Variants in PRPF6 observed in about 807,000 individuals in gnomAD.
PRPF6 encodes the protein pre-mRNA processing factor 6, also known as pre-mRNA-processing factor 6.
PRPF6 carries 42 observed loss-of-function variants against 118.3 expected under a neutral mutation model. The ratio of observed to expected loss-of-function variants is 0.35; its 90% CI spans 0.28 to 0.46. PRPF6 has a LOEUF of 0.46. Among genes scored for constraint, PRPF6 ranks in the 20% least tolerant of loss-of-function variants. PRPF6 has a pLI of 1.00. For missense variants in PRPF6, 662 were observed against 1,255.7 expected (o/e 0.53, Z 7.15); for synonymous variants, 481 against 485.1 (o/e 0.99, Z 0.11).
intron 3 of PRPF6, among the ~76,000 whole-genome samples, chr20:63,985,276 T>A (rs2059088341): frequency 6.6e-6 from 1 of 151,830 alleles, no homozygotes; most frequent in African/African-American, 2.4e-5. Context: ...GAAGGACCGT[T>A]TAAGCCCAGG....
At chr20:63,994,780 A>G (rs1195238514) in intron 4 of PRPF6, 136 bp from the exon 5 acceptor site, 14 of 1,157,616 alleles carry the variant, frequency 1.2e-5, no homozygotes, top group Admixed American at 4.4e-5. Flanking sequence ...AAACAAAAGT[A>G]AAAAACAGTT....
At position 64,010,205 on chromosome 20, in the gene PRPF6, G is replaced by A. The variant is rs2123050898; in HGVS notation, c.1192G>A (p.Glu398Lys). ...AKKRVLRKAL[E>K]HVPNSVRLWK... ...TCTCGTTTGACCTTTCCTAGCCCTCGAGCATGTTCCAAACTCGGTTCGCTT... is the reference window on the plus strand; with the variant it reads ...TCTCGTTTGACCTTTCCTAGCCCTCAAGCATGTTCCAAACTCGGTTCGCTT... The change falls in exon 10 of 21, where the codon GAG becomes AAG. Residue 398 changes from glutamate to lysine, a missense_variant. This residue lies in a region of PRPF6 where 189 missense variants were observed against 323.5 expected (regional missense o/e 0.58). Transcript: ENST00000266079. 2 of 1,613,900 alleles carry A rather than the reference G, an allele frequency of 1.2e-6. No homozygotes were observed. The highest frequency in any genetic ancestry group is 8.5e-7 in the Non-Finnish European group (1 of 1,179,874).
chr20:63,998,026 T>C (rs2059148867), intron 6 of PRPF6, among the ~76,000 whole-genome samples: 1 of 152,246 alleles, frequency 6.6e-6, no homozygotes, highest in African/African-American at 2.4e-5. Flanking sequence ...TGAATAATGC[T>C]GCTGTGAATA....
Position 63,981,330 on chromosome 20 carries a change from C to T in PRPF6, c.71+14C>T, listed in dbSNP as rs773548868. On this transcript the variant is annotated intron_variant, in intron 1 of 20. Transcript: ENST00000266079. ...GCTGGGCCGGGGGTGAGGCCTGGGG[C>T]GGCGCGCGAGGGGCGGGGACCCGGC... is the stretch of plus-strand genomic sequence containing the variant. 29 of 1,571,880 alleles carry T rather than the reference C, an allele frequency of 1.8e-5. No homozygotes were observed. Among genetic ancestry groups the T allele is most frequent in the South Asian group, 2.3e-5 (2 of 86,352 alleles).
chr20:64,029,606 C>A lies in PRPF6; in HGVS notation c.2546+115C>A. ...AGATGCCCGGCAGCAGGGTGGGCTT[C>A]CCCGATCCTCGGCTGCCGTCGCTCC... is the stretch of plus-strand genomic sequence containing the variant. On this transcript the variant is annotated intron_variant, in intron 19 of 20. Coordinates refer to ENST00000266079, the MANE Select transcript of PRPF6 (RefSeq NM_012469.4). This position sits in a 1 kb window ranked among gnomAD's most constrained non-coding sequence, Gnocchi z 4.8. 1.1e-6 allele frequency: 1 copy of A among 935,812 alleles called. No individual in the cohort carries two copies. The highest frequency in any genetic ancestry group is 1.7e-6 in the Non-Finnish European group (1 of 596,248). 58.0% of individuals were successfully genotyped at this position (935,812 alleles called of 1,614,324 possible).
chr20:63,996,515 A>G (rs1301258510), intron 6 of PRPF6, among the ~76,000 whole-genome samples: 1 of 152,174 alleles, frequency 6.6e-6, no homozygotes, highest in Non-Finnish European at 1.5e-5. Context: ...GGGTGTCACT[A>G]GGTTGCCCAA....
rs145741144 is a variant in PRPF6 at position 63,983,780 on chromosome 20, A to G, written c.240+565A>G. The stretch of plus-strand genomic sequence containing the variant: ...AGCGATTCTCCTGCCTCAGTCTCCA[A>G]GTAACTGGGATTACAGGCATGCGCC... On this transcript the variant is annotated intron_variant, in intron 2 of 20. Coordinates refer to ENST00000266079, the MANE Select transcript of PRPF6 (RefSeq NM_012469.4). Among the ~76,000 whole-genome samples the G allele has an allele frequency of 5.9e-3, 893 of 151,932 alleles. 13 individuals are homozygous for G. Among genetic ancestry groups the G allele is most frequent in the African/African-American group, 0.02 (847 of 41,424 alleles).
At chr20:64,022,339 A>G (rs951959870) in intron 12 of PRPF6, among the ~76,000 whole-genome samples, 19 of 151,516 alleles carry the variant, frequency 1.3e-4, no homozygotes, top group Admixed American at 6.6e-4. Context: ...ACAGAGTGTG[A>G]CTCTGTCGCC....
At chr20:64,005,262 G>C (rs539126582) in intron 9 of PRPF6, among the ~76,000 whole-genome samples, 1 of 152,278 alleles carries the variant, frequency 6.6e-6, no homozygotes, top group South Asian at 2.1e-4. Context: ...CCCAAAACTT[G>C]AAGACACAGA....
rs886580402 is a variant in PRPF6, at chr20:63,981,135, G to T, written c.-111G>T. On this transcript the variant is annotated 5_prime_UTR_variant, in exon 1 of 21. Transcript: ENST00000266079. ...TCCGGGGCGCGGGTGACGCGACGAC[G>T]GCGACACTTTGCTACGGAGTGCATC... 7.6e-6 allele frequency: 9 copies of T among 1,191,296 alleles called. No individual in the cohort carries two copies. Among genetic ancestry groups the T allele is most frequent in the African/African-American group, 1.5e-5 (1 of 65,666 alleles). The allele number at this position is 1,191,296 out of a possible 1,614,324, so 73.8% of individuals were successfully genotyped here.
At chr20:64,010,145 C>G in intron 9 of PRPF6, 55 bp from the exon 10 acceptor site, 1 of 1,454,602 alleles carries the variant, frequency 6.9e-7, no homozygotes. Flanking sequence ...ACCACATGAG[C>G]CTCCTGTTTT....
At chr20:64,015,256 T>C (rs2059231922) in intron 11 of PRPF6, among the ~76,000 whole-genome samples, 1 of 152,206 alleles carries the variant, frequency 6.6e-6, no homozygotes, top group South Asian at 2.1e-4. Context: ...CAGCGCAGTT[T>C]GCGTTCAGTA....
intron 9 of PRPF6, among the ~76,000 whole-genome samples, chr20:64,003,558 C>T (rs544104242): frequency 1.2e-4 from 19 of 152,296 alleles, no homozygotes; most frequent in Admixed American, 7.2e-4. Context: ...GTTTCTTGAC[C>T]GCAGCCCAGC....
chr20:63,992,946 G>A (rs890610600), intron 3 of PRPF6, among the ~76,000 whole-genome samples: 3 of 151,970 alleles, frequency 2.0e-5, no homozygotes, highest in African/African-American at 4.8e-5. Flanking sequence ...GGCTGGGTGC[G>A]GTGGCTCACA....
chr20:63,984,590 T>A (rs1368458370), intron 2 of PRPF6, among the ~76,000 whole-genome samples: 1 of 152,190 alleles, frequency 6.6e-6, no homozygotes. Context: ...CACAGTACTA[T>A]TAACTAATTT....
intron 11 of PRPF6, among the ~76,000 whole-genome samples, chr20:64,016,214 C>T (rs816918): frequency 0.061 from 9,322 of 151,892 alleles, 305 homozygotes; most frequent in Middle Eastern, 0.12. Context: ...CTCCGCCTCC[C>T]GGGTTCAAGT....
chr20:64,025,203 T>C lies in PRPF6; in HGVS notation c.1908+510T>C, dbSNP rs368991540. Among the ~76,000 whole-genome samples, 5 of 152,216 alleles carry C rather than the reference T, an allele frequency of 3.3e-5. No individual in the cohort carries two copies. In the East Asian group the frequency reaches 5.8e-4, roughly 18 times the overall value. On this transcript the variant is annotated intron_variant, in intron 14 of 20. Coordinates refer to ENST00000266079, the MANE Select transcript of PRPF6 (RefSeq NM_012469.4). ...TGTGCCCTTCTTTGAGCAAATACCA[T>C]GAGAGGGGACTGGCCTGGGTTTAAC...
intron 12 of PRPF6, among the ~76,000 whole-genome samples, chr20:64,021,257 A>G (rs2059261203): frequency 7.0e-6 from 1 of 143,312 alleles, no homozygotes; most frequent in Non-Finnish European, 1.5e-5. Flanking sequence ...GTGTGCGTGC[A>G]CGTATGCCTA....
chr20:63,984,219 G>A (rs1012449816), intron 2 of PRPF6, among the ~76,000 whole-genome samples: 2 of 152,204 alleles, frequency 1.3e-5, no homozygotes. Context: ...AGGATATCGA[G>A]ACCATCCTGT....
Sources: allele counts gnomAD v4.1 joint callset (sites outside exome capture counted in the v4.1 genomes callset), GRCh38; gene constraint gnomAD v4.1.1; regional missense constraint gnomAD v4.1.1; non-coding constraint Gnocchi (gnomAD v3.1); transcripts MANE v1.5; gene names NCBI Gene and HGNC (gene_info 2026-07-23, HGNC 2026-07-21).